Variants in OPRM1 observed in about 807,000 individuals in gnomAD.
OPRM1 encodes the protein opioid receptor mu 1, also known as mu-type opioid receptor.
Under a neutral mutation model 31.8 loss-of-function variants are expected in OPRM1, and 27 were observed. The observed-to-expected ratio is 0.85, with a 90% CI of 0.63 to 1.17. The LOEUF (loss-of-function observed/expected upper bound fraction) is 1.17. OPRM1 is among the 50% of genes most tolerant of loss of function. The pLI is 0.00. For missense variants in OPRM1, 536 were observed against 511.1 expected, an observed-to-expected ratio of 1.05 and a Z score of -0.47; for synonymous variants, 196 against 189.9, an observed-to-expected ratio of 1.03 and a Z score of -0.26.
downstream of OPRM1, among the ~76,000 whole-genome samples, chr6:154,134,059 C>A (rs1797995685): frequency 6.6e-6 from 1 of 152,172 alleles, no homozygotes; most frequent in Non-Finnish European, 1.5e-5. Context: ...AAGGAGTATG[C>A]ACTTTATTCA....
intron 1 of OPRM1, among the ~76,000 whole-genome samples, chr6:154,069,606 T>A (rs1786213264): frequency 6.6e-6 from 1 of 152,214 alleles, no homozygotes; most frequent in South Asian, 2.1e-4. Flanking sequence ...CTTTTTCCTA[T>A]GTTTTCTTTT....
At position 154,103,468 on chromosome 6, in the gene OPRM1, T is replaced by TAA. The variant is rs1795156978; in HGVS notation, c.1164+11997_1164+11998dup. ...GTAAACCCTATACCAATTGTGTTTC[T>TAA]AACAATAGATTTGACAAGCTCTTAC... On this transcript the variant is annotated intron_variant, in intron 3 of 3. Coordinates refer to ENST00000330432, the MANE Select transcript of OPRM1 (RefSeq NM_000914.5). 3.9e-5 allele frequency among the ~76,000 whole-genome samples: 6 copies of TAA among 152,362 alleles called. No homozygotes were observed. The South Asian group carries it at 1.2e-3, about 32-fold the overall frequency.
intron 3 of OPRM1, among the ~76,000 whole-genome samples, chr6:154,145,591 G>T (rs567206874): frequency 2.6e-5 from 4 of 152,340 alleles, no homozygotes; most frequent in Admixed American, 2.6e-4. Flanking sequence ...TGATATACAG[G>T]TTTTTCCCAG....
rs1441199275 is a variant in OPRM1, at chr6:154,089,856, CT to C, written c.322del (p.Tyr108ThrfsTer11). On this transcript the variant is annotated frameshift_variant, in exon 2 of 4. Coordinates refer to ENST00000330432, the MANE Select transcript of OPRM1 (RefSeq NM_000914.5). LOFTEE classifies it high-confidence loss of function. Reference sequence around the variant, plus strand: ...CCAAGATGAAGACTGCCACCAACATCTACATTTTCAACCTTGCTCTGGCAGA... The same window carrying C: ...CCAAGATGAAGACTGCCACCAACATCACATTTTCAACCTTGCTCTGGCAGA... ...YTKMKTATNI[Y>X]IFNLALADAL... is the part of the protein sequence containing the mutation. 2 of 1,613,674 alleles carry C rather than the reference CT, an allele frequency of 1.2e-6. No individual in the cohort carries two copies. The highest frequency in any genetic ancestry group is 3.3e-5 in the Admixed American group (2 of 59,986).
chr6:154,087,983 A>G (rs1791037780), intron 1 of OPRM1, among the ~76,000 whole-genome samples: 1 of 152,180 alleles, frequency 6.6e-6, no homozygotes, highest in South Asian at 2.1e-4. Context: ...GGAGGAAGAA[A>G]AGCATATGTT....
intron 1 of OPRM1, among the ~76,000 whole-genome samples, chr6:154,032,906 T>G (rs1408509246): frequency 6.6e-6 from 1 of 152,228 alleles, no homozygotes; most frequent in Non-Finnish European, 1.5e-5. Context: ...CATGAGTTAT[T>G]TAAGTGGAAA....
At chr6:154,011,812 A>G (rs1294093) in intron 1 of OPRM1, among the ~76,000 whole-genome samples, 45,401 of 152,014 alleles carry the variant, frequency 0.3, 7,555 homozygotes, top group East Asian at 0.67. Flanking sequence ...AGATGGTACT[A>G]TTAAAATTAT....
At chr6:154,012,166 T>C (rs373638466) in intron 1 of OPRM1, among the ~76,000 whole-genome samples, 21 of 152,298 alleles carry the variant, frequency 1.4e-4, no homozygotes, top group African/African-American at 4.8e-4. Flanking sequence ...TGTAACAAGC[T>C]ACGATTTTTA....
At chr6:154,174,895 A>G (rs1800187213) in intron 3 of OPRM1, among the ~76,000 whole-genome samples, 1 of 152,230 alleles carries the variant, frequency 6.6e-6, no homozygotes, top group Non-Finnish European at 1.5e-5. Context: ...CATCACACTT[A>G]TTCTAAAGTT....
chr6:154,077,451 C>T (rs1184957631), intron 1 of OPRM1, among the ~76,000 whole-genome samples: 1 of 150,614 alleles, frequency 6.6e-6, no homozygotes, highest in Non-Finnish European at 1.5e-5. Context: ...CAAAATAAGG[C>T]CGTGTATGGT....
rs1250050938 is a variant in OPRM1 at position 154,124,652 on chromosome 6, A to G, written c.*5931A>G. On this transcript the variant is annotated 3_prime_UTR_variant, in exon 4 of 4. Coordinates refer to ENST00000330432, the MANE Select transcript of OPRM1 (RefSeq NM_000914.5). The stretch of plus-strand genomic sequence containing the variant: ...AAAAGTACTTCATATGCTCGAAACT[A>G]AAGTAAAACTTTATTGAAATACATT... Among the ~76,000 whole-genome samples, 1 of 152,222 alleles carries G rather than the reference A, an allele frequency of 6.6e-6. No homozygotes were observed. The highest frequency in any genetic ancestry group is 1.5e-5 in the Non-Finnish European group (1 of 68,040).
intron 3 of OPRM1, among the ~76,000 whole-genome samples, chr6:154,146,209 G>C (rs1372012857): frequency 6.6e-6 from 1 of 152,218 alleles, no homozygotes; most frequent in Admixed American, 6.5e-5. Flanking sequence ...AGACCAGCCT[G>C]GCTAACATGG....
chr6:154,042,022 T>C (rs555431907), intron 1 of OPRM1, among the ~76,000 whole-genome samples: 2 of 152,278 alleles, frequency 1.3e-5, no homozygotes, highest in South Asian at 4.2e-4. Context: ...CTTGTTGACT[T>C]GGAGAAACAT....
At chr6:154,146,046 C>T (rs1472111495) in intron 3 of OPRM1, among the ~76,000 whole-genome samples, 1 of 152,182 alleles carries the variant, frequency 6.6e-6, no homozygotes, top group Non-Finnish European at 1.5e-5. Flanking sequence ...TTGCATGGGG[C>T]ATCTCAGCAA....
intron 3 of OPRM1, among the ~76,000 whole-genome samples, chr6:154,226,189 C>T (rs1779238693): frequency 6.6e-6 from 1 of 152,136 alleles, no homozygotes; most frequent in Admixed American, 6.5e-5. Flanking sequence ...CTCATGGCTC[C>T]ATCTGTCATC....
At chr6:154,220,768 G>A (rs1475550429) in intron 3 of OPRM1, among the ~76,000 whole-genome samples, 1 of 152,224 alleles carries the variant, frequency 6.6e-6, no homozygotes, top group Non-Finnish European at 1.5e-5. Flanking sequence ...TGGAAATGGA[G>A]CTAGGGATCT....
intron 3 of OPRM1, among the ~76,000 whole-genome samples, chr6:154,241,029 A>T (rs1375434769): frequency 2.0e-5 from 3 of 152,024 alleles, no homozygotes; most frequent in Non-Finnish European, 4.4e-5. Flanking sequence ...TGAGGTCAAG[A>T]GATCGAGACC....
chr6:154,017,347 T>C (rs1345081987), intron 1 of OPRM1, among the ~76,000 whole-genome samples: 1 of 152,190 alleles, frequency 6.6e-6, no homozygotes, highest in Non-Finnish European at 1.5e-5. Flanking sequence ...TGAGATTTGA[T>C]ATGGTCACAG....
chr6:154,031,115 C>A (rs920714191), intron 1 of OPRM1, among the ~76,000 whole-genome samples: 1 of 152,182 alleles, frequency 6.6e-6, no homozygotes, highest in African/African-American at 2.4e-5. Context: ...AGTTTAATCT[C>A]ATCAAAAGCT....
Sources: gnomAD v4.1 joint callset for allele counts (sites outside exome capture counted in the v4.1 genomes callset) on GRCh38, gnomAD v4.1.1 for gene constraint, MANE v1.5 for transcripts, NCBI Gene and HGNC (gene_info 2026-07-23, HGNC 2026-07-21) for gene names.